CDH4: variants seen among roughly 807,000 people sequenced by gnomAD.
The protein encoded by CDH4 is cadherin-4.
CDH4 carries 33 observed loss-of-function variants against 86.0 expected under a neutral mutation model. That is an observed-to-expected ratio of 0.38 (90% CI 0.29 to 0.51). The LOEUF is 0.51. CDH4 is among the 20% of genes least tolerant of loss of function. The probability of loss-of-function intolerance (pLI) is 0.86; values close to 1 mark genes in which losing one functional copy is unlikely to be tolerated. For synonymous variants in CDH4, 555 were observed against 549.4 expected (o/e 1.01, Z -0.14); for missense variants, 1,114 against 1,307.4 (o/e 0.85, Z 2.28).
intron 2 of CDH4, among the ~76,000 whole-genome samples, chr20:61,323,576 C>A (rs540553356): frequency 8.5e-5 from 13 of 152,314 alleles, no homozygotes; most frequent in African/African-American, 3.1e-4. Context: ...GTTACGCGGG[C>A]CTGCAACCCC....
rs982080611 is a variant in CDH4 at position 61,877,570 on chromosome 20, G to A, written c.1050+3670G>A. Among the ~76,000 whole-genome samples, 6 of 152,278 alleles carry A rather than the reference G, an allele frequency of 3.9e-5. 1 individual carries two copies. Among genetic ancestry groups the A allele is most frequent in the East Asian group, 1.9e-4 (1 of 5,160 alleles). On this transcript the variant is annotated intron_variant, in intron 7 of 15. Coordinates refer to ENST00000614565, the MANE Select transcript of CDH4 (RefSeq NM_001794.5). Reference sequence around the variant, plus strand: ...GTGAACAGCCCGGCTTCTATCCGACGGGAGGCCCCGTCTGGTGCATCTCAG... The same window carrying A: ...GTGAACAGCCCGGCTTCTATCCGACAGGAGGCCCCGTCTGGTGCATCTCAG...
intron 2 of CDH4, among the ~76,000 whole-genome samples, chr20:61,573,788 G>A (rs183110931): frequency 1.8e-4 from 27 of 152,330 alleles, no homozygotes; most frequent in African/African-American, 6.0e-4. Context: ...TGGCAGCTAC[G>A]GCTGTGTATA....
At chr20:61,552,065 G>A (rs908856301) in intron 2 of CDH4, among the ~76,000 whole-genome samples, 4 of 152,142 alleles carry the variant, frequency 2.6e-5, no homozygotes, top group Non-Finnish European at 4.4e-5. Flanking sequence ...TGTGACCCTG[G>A]ATTAGGCAGT....
At chr20:61,399,931 AC>A (rs1440277325) in intron 2 of CDH4, among the ~76,000 whole-genome samples, 2 of 152,012 alleles carry the variant, frequency 1.3e-5, no homozygotes, top group African/African-American at 4.8e-5. Flanking sequence ...TAGGCAACCA[AC>A]CCCCTGGACA....
At chr20:61,887,296 C>T (rs975543748) in intron 7 of CDH4, among the ~76,000 whole-genome samples, 9 of 152,180 alleles carry the variant, frequency 5.9e-5, no homozygotes, top group African/African-American at 1.9e-4. Context: ...TTCCTTCCTG[C>T]GGGTCTAGCT....
chr20:61,745,151 C>T (rs761886709), intron 3 of CDH4, among the ~76,000 whole-genome samples: 4 of 152,226 alleles, frequency 2.6e-5, no homozygotes, highest in South Asian at 2.1e-4. Context: ...GGCACTCCCT[C>T]GGAAAAGGGC....
At chr20:61,621,335 C>A (rs973206928) in intron 2 of CDH4, among the ~76,000 whole-genome samples, 27 of 152,236 alleles carry the variant, frequency 1.8e-4, no homozygotes, top group African/African-American at 6.5e-4. Context: ...AGCCTGTCTC[C>A]TCTGCTGACA....
intron 2 of CDH4, among the ~76,000 whole-genome samples, chr20:61,573,971 G>A (rs575217991): frequency 1.3e-5 from 2 of 152,294 alleles, no homozygotes; most frequent in South Asian, 4.1e-4. Flanking sequence ...AGCTGCTGCA[G>A]CTCCTGAATC....
intron 6 of CDH4, among the ~76,000 whole-genome samples, chr20:61,869,904 CA>C (rs1256038965): frequency 6.6e-6 from 1 of 152,210 alleles, no homozygotes; most frequent in Admixed American, 6.5e-5. Flanking sequence ...AGCTGGGCCC[CA>C]GTGGGCAGGG....
At chr20:61,448,186 A>G (rs2085362626) in intron 2 of CDH4, among the ~76,000 whole-genome samples, 1 of 152,232 alleles carries the variant, frequency 6.6e-6, no homozygotes, top group Middle Eastern at 3.2e-3. Context: ...GTGCCCCAGG[A>G]GACATTTGCA....
chr20:61,917,073 G>T (rs913319581), intron 9 of CDH4, among the ~76,000 whole-genome samples: 1 of 152,116 alleles, frequency 6.6e-6, no homozygotes, highest in East Asian at 1.9e-4. Context: ...TCACTTCTGC[G>T]GTCCAGCTCG....
intron 1 of CDH4, among the ~76,000 whole-genome samples, chr20:61,254,236 A>G (rs977451007): frequency 6.6e-6 from 1 of 152,058 alleles, no homozygotes; most frequent in African/African-American, 2.4e-5. Flanking sequence ...AAGCGCCCCC[A>G]CTGCCTCCTC....
intron 11 of CDH4, among the ~76,000 whole-genome samples, chr20:61,926,387 G>A (rs955506113): frequency 6.6e-6 from 1 of 152,228 alleles, no homozygotes; most frequent in African/African-American, 2.4e-5. Flanking sequence ...AGCAGGTGAA[G>A]ACAGGACGTG....
At chr20:61,421,823 A>G (rs577628349) in intron 2 of CDH4, among the ~76,000 whole-genome samples, 290 of 152,256 alleles carry the variant, frequency 1.9e-3, no homozygotes, top group Non-Finnish European at 1.7e-3. Context: ...GGTGTGCACT[A>G]GGGTAAGTGG....
At chr20:61,625,797 C>T (rs2086825197) in intron 2 of CDH4, among the ~76,000 whole-genome samples, 1 of 152,202 alleles carries the variant, frequency 6.6e-6, no homozygotes, top group Admixed American at 6.5e-5. Flanking sequence ...GCAGTTATAC[C>T]ACATCATCTG....
In CDH4 at chr20:61,561,179, G is replaced by A. The variant is rs533379458; in HGVS notation, c.170-182384G>A. Among the ~76,000 whole-genome samples the A allele has an allele frequency of 4.3e-4, 66 of 151,752 alleles. 1 individual carries two copies. Among genetic ancestry groups the A allele is most frequent in the African/African-American group, 1.6e-3 (65 of 41,334 alleles). The stretch of plus-strand genomic sequence containing the variant: ...CAGGAATTCAGAATTATCTCTTTTC[G>A]CCATTGTGGTAAATATGGGGAATCC... On this transcript the variant is annotated intron_variant, in intron 2 of 15. Transcript: ENST00000614565.
chr20:61,919,199 T>G (rs1481253452), intron 9 of CDH4, among the ~76,000 whole-genome samples: 1 of 152,222 alleles, frequency 6.6e-6, no homozygotes, highest in Non-Finnish European at 1.5e-5. Context: ...AATTTCTTCT[T>G]TTTGTACTGA....
At position 61,932,992 on chromosome 20, in the gene CDH4, C is replaced by T; in HGVS notation, c.2247C>T (p.Val749=). Residue 749 remains valine, a synonymous_variant, in exon 14 of 16, where the codon GTC becomes GTT. Transcript: ENST00000614565. ...GGCAGCCCTCCCCCACAGCCATGGT[C>T]CTGCTGTTTGTCATGTGGATGAAGC... The part of the protein sequence containing the change: ...LICILILLTM[V]LLFVMWMKRR... 1 of 1,613,128 alleles carries T rather than the reference C, an allele frequency of 6.2e-7. No homozygotes were observed. The highest frequency in any genetic ancestry group is 8.5e-7 in the Non-Finnish European group (1 of 1,179,844).
intron 8 of CDH4, among the ~76,000 whole-genome samples, chr20:61,908,372 C>T (rs1465593114): frequency 6.6e-6 from 1 of 152,190 alleles, no homozygotes; most frequent in Non-Finnish European, 1.5e-5. Flanking sequence ...ATCTGTATTT[C>T]CCCGGACCCT....
Sources: gnomAD v4.1 joint callset for allele counts (sites outside exome capture counted in the v4.1 genomes callset) on GRCh38, gnomAD v4.1.1 for gene constraint, MANE v1.5 for transcripts, NCBI Gene and HGNC (gene_info 2026-07-23, HGNC 2026-07-21) for gene names.